The following DNAH10 variants were observed in gnomAD, a reference collection of about 807,000 sequenced individuals.
DNAH10 encodes the protein dynein axonemal heavy chain 10.
A neutral mutation model predicts 506.6 loss-of-function variants in DNAH10; 348 were observed. The observed-to-expected ratio is 0.69, with a 90% confidence interval of 0.63 to 0.75. DNAH10 has a LOEUF of 0.75. Among genes scored for constraint, DNAH10 ranks in the 30% least tolerant of loss-of-function variants. DNAH10 has a pLI of 0.00. For missense variants in DNAH10, 5,179 were observed against 5,787.1 expected, an observed-to-expected ratio of 0.89 and a Z score of 3.41; for synonymous variants, 2,059 against 2,198.6, an observed-to-expected ratio of 0.94 and a Z score of 1.78.
In DNAH10 at chr12:123,893,426, A is replaced by C. The variant is rs1197365092; in HGVS notation, c.9189A>C (p.Arg3063Ser). The C allele has an allele frequency of 1.2e-6, 2 of 1,612,604 alleles. No homozygotes were observed. ...GGGACACCCTGAGGACCTGGTGCAGAAACTTCCCAGGTACCCGCGGTGGAG... is the reference window on the plus strand; with the variant it reads ...GGGACACCCTGAGGACCTGGTGCAGCAACTTCCCAGGTACCCGCGGTGGAG... ...PVGDTLRTWC[R>S]NFPGMVNNTG... The change falls in exon 53 of 79, where the codon AGA (arginine) becomes AGC (serine). Residue 3063 changes from arginine (R) to serine (S), a missense_variant. By Grantham distance (110) the Arg-to-Ser change is moderately radical (BLOSUM62 -1). Around this residue, in one of 3 missense-constraint regions of DNAH10, gnomAD observed 4,844 missense variants for 5,430.5 expected, o/e 0.89. Transcript: ENST00000673944.
intron 57 of DNAH10, chr12:123,908,503 G>A: frequency 2.2e-6 from 1 of 456,146 alleles, no homozygotes; most frequent in Non-Finnish European, 4.4e-6. Flanking sequence ...CCATGGCGTG[G>A]TCTGGGAGAC....
chr12:123,824,825 GC>G (rs936863280), intron 24 of DNAH10, among the ~76,000 whole-genome samples: 10 of 151,946 alleles, frequency 6.6e-5, no homozygotes, highest in Non-Finnish European at 1.5e-4. Flanking sequence ...TGGATTTAGG[GC>G]CCACTCTAAT....
Position 123,787,967 on chromosome 12 carries a change from GC to G in DNAH10, c.1587del (p.Thr530ProfsTer24). Reference sequence around the variant, plus strand: ...GCTGTTCGAGAGGACGGATTATATGGCCACCATCTGCCAGGACCTCTCCGAC... The same window carrying G: ...GCTGTTCGAGAGGACGGATTATATGGCACCATCTGCCAGGACCTCTCCGAC... ...KRLFERTDYM[A>X]TICQDLSDVL... On this transcript the variant is annotated frameshift_variant, in exon 10 of 79. Coordinates refer to ENST00000673944, the MANE Select transcript of DNAH10 (RefSeq NM_001372106.1). LOFTEE classifies it high-confidence loss of function. This position sits in a 1 kb window ranked among gnomAD's most constrained non-coding sequence, Gnocchi z 4.6. 6.3e-7 allele frequency: 1 copy of G among 1,583,848 alleles called. No homozygotes were observed. The highest frequency in any genetic ancestry group is 8.6e-7 in the Non-Finnish European group (1 of 1,164,906).
rs1950969813 is a variant in DNAH10, at chr12:123,846,956, G to A, written c.5814+802G>A. Among the ~76,000 whole-genome samples the A allele has an allele frequency of 6.6e-6, 1 of 152,138 alleles. No homozygotes were observed. Among genetic ancestry groups the A allele is most frequent in the African/African-American group, 2.4e-5 (1 of 41,402 alleles). The stretch of plus-strand genomic sequence containing the variant: ...AAGCCCCTGCTGCCTCCTGTGCTGT[G>A]AGTGATAAAGTCCTTTGTTTTTGAG... On this transcript the variant is annotated intron_variant, in intron 32 of 78. Transcript: ENST00000673944. This position sits in a 1 kb window ranked among gnomAD's most constrained non-coding sequence, Gnocchi z 4.5.
rs996874491 is a variant in DNAH10, at chr12:123,920,727, G to A, written c.11506+1778G>A. Among the ~76,000 whole-genome samples, 3 of 152,262 alleles carry A rather than the reference G, an allele frequency of 2.0e-5. 1 individual carries two copies. The South Asian group carries it at 6.2e-4, about 32-fold the overall frequency. On this transcript the variant is annotated intron_variant, in intron 65 of 78. Transcript: ENST00000673944. ...AGGTCTATACATTATAATTGGTTGT[G>A]TCACTTAATTTCTCTCTTTTCCCCC...
intron 29 of DNAH10, 140 bp from the exon 30 acceptor site, chr12:123,841,182 C>A: frequency 1.2e-6 from 1 of 814,190 alleles, no homozygotes; most frequent in Non-Finnish European, 2.1e-6. Flanking sequence ...GGGTGAACGA[C>A]ATCCATCTTG....
At position 123,851,008 on chromosome 12, in the gene DNAH10, G is replaced by C. The variant is rs551358752; in HGVS notation, c.6223G>C (p.Val2075Leu). 6 of 1,613,738 alleles carry C rather than the reference G, an allele frequency of 3.7e-6. No individual in the cohort carries two copies. Among genetic ancestry groups the C allele is most frequent in the Non-Finnish European group, 5.1e-6 (6 of 1,179,810 alleles). The change falls in exon 35 of 79, where the codon GTG becomes CTG. Residue 2075 changes from valine (V) to leucine (L), a missense_variant. Physicochemically the swap from Val to Leu is conservative, Grantham distance 32 (BLOSUM62 1). This residue lies in a region of DNAH10 where 4,844 missense variants were observed against 5,430.5 expected (regional missense o/e 0.89). Coordinates refer to ENST00000673944, the MANE Select transcript of DNAH10 (RefSeq NM_001372106.1). Reference protein sequence around the residue: ...SVKALFRPVVVIVPDLQQICE... With the variant: ...SVKALFRPVVLIVPDLQQICE... ...GAAGGCGCTGTTCAGGCCTGTGGTC[G>C]TGATCGTGCCCGACCTGCAGCAGAT...
chr12:123,862,382 GTTC>G (rs1293327009), intron 39 of DNAH10, among the ~76,000 whole-genome samples: 1 of 151,024 alleles, frequency 6.6e-6, no homozygotes, highest in Non-Finnish European at 1.5e-5. Context: ...TCCTCTTCTT[GTTC>G]TTCTTTCTTC....
chr12:123,910,812 T>G, intron 59 of DNAH10, 140 bp downstream of exon 59: 1 of 1,078,436 alleles, frequency 9.3e-7, no homozygotes, highest in Non-Finnish European at 1.3e-6. Context: ...CACCACCCAA[T>G]AAATGGCAAT....
At chr12:123,781,863 C>T (rs1056789604) in intron 6 of DNAH10, among the ~76,000 whole-genome samples, 1 of 152,170 alleles carries the variant, frequency 6.6e-6, no homozygotes, top group Non-Finnish European at 1.5e-5. Flanking sequence ...TCTCCCCTCC[C>T]CCTTTACGTA....
intron 41 of DNAH10, 71 bp downstream of exon 41, chr12:123,866,144 G>T: frequency 7.5e-7 from 1 of 1,326,084 alleles, no homozygotes; most frequent in Admixed American, 2.9e-5. Flanking sequence ...TAGTCCAGAG[G>T]GATGTTTGTA....
chr12:123,836,859 T>TC (rs1418743436), intron 28 of DNAH10, among the ~76,000 whole-genome samples: 2 of 139,092 alleles, frequency 1.4e-5, no homozygotes, highest in Non-Finnish European at 3.1e-5. Context: ...TCTCTCTCTC[T>TC]TTTTTTTTTT....
rs1277546244 is a variant in DNAH10, at chr12:123,833,335, G to A, written c.4767G>A (p.Gly1589=). Reference sequence around the variant, plus strand: ...GGGAAAAAACGCTTTCTCTAATAGGGGAAGTCATTGAGGTGAGAGAAAAGA... The same window carrying A: ...GGGAAAAAACGCTTTCTCTAATAGGAGAAGTCATTGAGGTGAGAGAAAAGA... ...HKWEKTLSLI[G]EVIEIWMLVQ... Residue 1589 remains glycine, a synonymous_variant, in exon 27 of 79, where the codon GGG becomes GGA. Coordinates refer to ENST00000673944, the MANE Select transcript of DNAH10 (RefSeq NM_001372106.1). The A allele has an allele frequency of 2.5e-6, 4 of 1,610,568 alleles. No individual in the cohort carries two copies. The African/African-American group carries it at 5.3e-5, about 22-fold the overall frequency.
chr12:123,853,418 G>T lies in DNAH10; in HGVS notation c.6438+66G>T. ...TTCAGGCATTTACTACGTGCCATTG[G>T]GGAGGTGATGGGCACAGTATGGTAT... On this transcript the variant is annotated intron_variant, in intron 36 of 78. Transcript: ENST00000673944. The surrounding 1 kb of genome is among the most constrained non-coding windows in gnomAD (Gnocchi z 4.7). 9 of 1,543,928 alleles carry T rather than the reference G, an allele frequency of 5.8e-6. No individual in the cohort carries two copies. The highest frequency in any genetic ancestry group is 7.0e-6 in the Non-Finnish European group (8 of 1,143,534).
intron 78 of DNAH10, 122 bp from the exon 79 acceptor site, chr12:123,935,213 G>T: frequency 8.3e-7 from 1 of 1,204,782 alleles, no homozygotes; most frequent in Non-Finnish European, 1.2e-6. Flanking sequence ...CCAGCCTTGT[G>T]CGTGTTCTCA....
intron 39 of DNAH10, among the ~76,000 whole-genome samples, chr12:123,862,570 T>C (rs1951653951): frequency 6.6e-6 from 1 of 151,976 alleles, no homozygotes; most frequent in Admixed American, 6.6e-5. Context: ...TTGCTTTTTT[T>C]TGTAGAGACA....
In DNAH10 at chr12:123,796,793, A is replaced by G; in HGVS notation, c.2124A>G (p.Gln708=). ...FRIKHTILRF[Q]EVQEILDSDR... is the part of the protein sequence containing the mutation. ...TTAAGCATACCATCCTCCGATTTCA[A>G]GAGGTACAAGAGATACTGGACAGTG... The change falls in exon 13 of 79, where the codon CAA becomes CAG. Residue 708 remains glutamine (Q), a synonymous_variant. Transcript: ENST00000673944. The G allele has an allele frequency of 6.2e-7, 1 of 1,614,080 alleles. No homozygotes were observed. Among genetic ancestry groups the G allele is most frequent in the East Asian group, 2.2e-5 (1 of 44,886 alleles).
At chr12:123,871,139 A>G (rs1417212586) in intron 44 of DNAH10, among the ~76,000 whole-genome samples, 1 of 152,208 alleles carries the variant, frequency 6.6e-6, no homozygotes, top group Non-Finnish European at 1.5e-5. Flanking sequence ...TTGCTCAGGA[A>G]GTTAAATCCC....
rs563524522 is a variant in DNAH10, at chr12:123,826,799, G to A, written c.4292G>A (p.Arg1431His). 3.7e-5 allele frequency: 60 copies of A among 1,613,990 alleles called. No homozygotes were observed. Among genetic ancestry groups the A allele is most frequent in the African/African-American group, 8.0e-5 (6 of 75,050 alleles). Residue 1431 changes from arginine to histidine, a missense_variant, in exon 25 of 79, where the codon CGT becomes CAT. Coordinates refer to ENST00000673944, the MANE Select transcript of DNAH10 (RefSeq NM_001372106.1). ...CTCAGAAAGCTACCTCGGCCAGTCC[G>A]TGGCTTATCAGTGACCTACTACTTG... ...RALRKLPRPV[R>H]GLSVTYYLEA...
Sources: allele counts gnomAD v4.1 joint callset (sites outside exome capture counted in the v4.1 genomes callset), GRCh38; gene constraint gnomAD v4.1.1; regional missense constraint gnomAD v4.1.1; non-coding constraint Gnocchi (gnomAD v3.1); transcripts MANE v1.5; gene names NCBI Gene and HGNC (gene_info 2026-07-23, HGNC 2026-07-21).